Variants in ZSWIM9 observed in about 807,000 individuals in gnomAD.
ZSWIM9 encodes zinc finger SWIM-type containing 9.
A neutral mutation model predicts 25.0 loss-of-function variants in ZSWIM9; 11 were observed. The observed-to-expected ratio is 0.44, with a 90% CI of 0.28 to 0.73. The LOEUF (loss-of-function observed/expected upper bound fraction) is 0.73, where lower values mean the gene tolerates loss of function less well. Ranked by LOEUF, ZSWIM9 falls within the 30% of genes least tolerant of loss-of-function variation. The probability of loss-of-function intolerance (pLI) is 0.16; values close to 1 mark genes in which losing one functional copy is unlikely to be tolerated. For missense variants in ZSWIM9, 1,070 were observed against 1,296.5 expected (o/e 0.83, Z 2.68); for synonymous variants, 562 against 582.1 (o/e 0.97, Z 0.50).
chr19:48,196,968 C>A lies in ZSWIM9; in HGVS notation c.*141C>A. 1 of 860,754 alleles carries A rather than the reference C, an allele frequency of 1.2e-6. No homozygotes were observed. Among genetic ancestry groups the A allele is most frequent in the Non-Finnish European group, 1.6e-6 (1 of 621,806 alleles). 53.3% of individuals were successfully genotyped at this position (860,754 alleles called of 1,614,324 possible). On this transcript the variant is annotated 3_prime_UTR_variant, in exon 4 of 4. Transcript: ENST00000614654. ...GGGTCATCCAGGGACCTCCTCATGG[C>A]AGTTTGCCTCTCTGGGTCCAAGGGC...
rs1037662373 is a variant in ZSWIM9, at chr19:48,183,832, G to GGA, written c.588+1066_588+1067insAG. The stretch of plus-strand genomic sequence containing the variant: ...TTTAGTTTTTGTAGAGATGTTTGGC[G>GGA]GGGGGGGGTCTCCCTATGTTGCCCA... On this transcript the variant is annotated intron_variant, in intron 3 of 3. Coordinates refer to ENST00000614654, the MANE Select transcript of ZSWIM9 (RefSeq NM_199341.4). 6.6e-4 allele frequency among the ~76,000 whole-genome samples: 84 copies of GGA among 127,352 alleles called. 1 individual carries two copies. The highest frequency in any genetic ancestry group is 2.5e-3 in the African/African-American group (82 of 32,368). The allele number at this position is 127,352 out of a possible 152,430, so 83.5% of individuals were successfully genotyped here.
intron 3 of ZSWIM9, among the ~76,000 whole-genome samples, chr19:48,185,802 C>A (rs1396446218): frequency 6.6e-6 from 1 of 152,174 alleles, no homozygotes; most frequent in Non-Finnish European, 1.5e-5. Context: ...GCATGGCCAA[C>A]ATGGCAAAAC....
rs1457656632 is a variant in ZSWIM9, at chr19:48,194,799, C to T, written c.735C>T (p.Ala245=). The change falls in exon 4 of 4, where the codon GCC becomes GCT. Residue 245 remains alanine (A), a synonymous_variant. Transcript: ENST00000614654. The surrounding 1 kb of genome is among the most constrained non-coding windows in gnomAD (Gnocchi z 6.0). ...TGCAGGGCGCGCTGGATCTGCTGGCCGTGCTGTGCGTGGACGGCTCGGGCC... is the reference window on the plus strand; with the variant it reads ...TGCAGGGCGCGCTGGATCTGCTGGCTGTGCTGTGCGTGGACGGCTCGGGCC... ...PGLQGALDLL[A]VLCVDGSGRA... 2 of 1,529,976 alleles carry T rather than the reference C, an allele frequency of 1.3e-6. No homozygotes were observed. The highest frequency in any genetic ancestry group is 1.2e-5 in the South Asian group (1 of 83,500). The allele number at this position is 1,529,976 out of a possible 1,614,324, so 94.8% of individuals were successfully genotyped here. A position where few individuals can be genotyped will look rare whatever the true frequency, so the allele number is the denominator to read the frequency against.
intron 2 of ZSWIM9, chr19:48,181,942 T>C (rs1422502842): frequency 6.5e-6 from 1 of 153,088 alleles, no homozygotes; most frequent in Admixed American, 6.5e-5. Flanking sequence ...ATTTTGATAG[T>C]GGCTGCCTCT....
At position 48,197,164 on chromosome 19, in the gene ZSWIM9, A is replaced by C; in HGVS notation, c.*337A>C. The C allele has an allele frequency of 2.9e-6, 2 of 690,562 alleles. No homozygotes were observed. The highest frequency in any genetic ancestry group is 2.6e-6 in the Non-Finnish European group (1 of 378,716). The allele number at this position is 690,562 out of a possible 1,614,324, so 42.8% of individuals were successfully genotyped here. A position where few individuals can be genotyped will look rare whatever the true frequency, so the allele number is the denominator to read the frequency against. On this transcript the variant is annotated 3_prime_UTR_variant, in exon 4 of 4. Coordinates refer to ENST00000614654, the MANE Select transcript of ZSWIM9 (RefSeq NM_199341.4). ...GGCAGAGCTGGGGGGAGGGGGAGGA[A>C]GCGATCATATGGGGAGTGTCTGGCA... is the stretch of plus-strand genomic sequence containing the variant.
At position 48,195,177 on chromosome 19, in the gene ZSWIM9, C is replaced by A. The variant is rs995241439; in HGVS notation, c.1113C>A (p.Ala371=). 6 of 1,522,646 alleles carry A rather than the reference C, an allele frequency of 3.9e-6. No individual in the cohort carries two copies. The South Asian group carries it at 7.2e-5, about 18-fold the overall frequency. 94.3% of individuals were successfully genotyped at this position (1,522,646 alleles called of 1,614,324 possible). ...ALAELHAHGP[A]AFVDYFERNW... is the part of the protein sequence containing the mutation. ...CCGAGCTCCACGCCCACGGCCCAGCCGCCTTCGTGGACTACTTCGAGCGCA... is the reference window on the plus strand; with the variant it reads ...CCGAGCTCCACGCCCACGGCCCAGCAGCCTTCGTGGACTACTTCGAGCGCA... Residue 371 remains alanine, a synonymous_variant, in exon 4 of 4, where the codon GCC becomes GCA. Transcript: ENST00000614654. The surrounding 1 kb of genome is among the most constrained non-coding windows in gnomAD (Gnocchi z 5.8).
At chr19:48,188,263 C>T (rs2037054641) in intron 3 of ZSWIM9, among the ~76,000 whole-genome samples, 1 of 151,448 alleles carries the variant, frequency 6.6e-6, no homozygotes, top group South Asian at 2.1e-4. Flanking sequence ...CGCTCTGTCT[C>T]CCAGGCTGGA....
Position 48,195,181 on chromosome 19 carries a change from T to C in ZSWIM9, c.1117T>C (p.Phe373Leu). The C allele has an allele frequency of 6.6e-7, 1 of 1,523,458 alleles. No homozygotes were observed. The highest frequency in any genetic ancestry group is 8.8e-7 in the Non-Finnish European group (1 of 1,139,900). The allele number at this position is 1,523,458 out of a possible 1,614,324, so 94.4% of individuals were successfully genotyped here. ...AELHAHGPAAFVDYFERNWEP... is the reference protein window; with the variant it reads ...AELHAHGPAALVDYFERNWEP... The stretch of plus-strand genomic sequence containing the variant: ...GCTCCACGCCCACGGCCCAGCCGCC[T>C]TCGTGGACTACTTCGAGCGCAACTG... The change falls in exon 4 of 4, where the codon TTC becomes CTC. Residue 373 changes from phenylalanine (F) to leucine (L), a missense_variant. Physicochemically the swap from Phe to Leu is conservative, Grantham distance 22 (BLOSUM62 0). Coordinates refer to ENST00000614654, the MANE Select transcript of ZSWIM9 (RefSeq NM_199341.4). This position sits in a 1 kb window ranked among gnomAD's most constrained non-coding sequence, Gnocchi z 5.8.
rs372300493 is a variant in ZSWIM9, at chr19:48,182,949, G to A, written c.588+182G>A. The A allele has an allele frequency of 1.6e-4, 98 of 603,604 alleles. 1 individual carries two copies. The highest frequency in any genetic ancestry group is 1.4e-3 in the South Asian group (70 of 50,418). The allele number at this position is 603,604 out of a possible 1,614,324, so 37.4% of individuals were successfully genotyped here. A position where few individuals can be genotyped will look rare whatever the true frequency, so the allele number is the denominator to read the frequency against. On this transcript the variant is annotated intron_variant, in intron 3 of 3. Transcript: ENST00000614654. The surrounding 1 kb of genome is among the most constrained non-coding windows in gnomAD (Gnocchi z 4.6). ...GGATGCAGCAGCAAACCAGACCCACGTGGTCTCTGTCCGCAGAGAGCTTAC... is the reference window on the plus strand; with the variant it reads ...GGATGCAGCAGCAAACCAGACCCACATGGTCTCTGTCCGCAGAGAGCTTAC...
At position 48,171,832 on chromosome 19, in the gene ZSWIM9, G is replaced by A. The variant is rs765015255; in HGVS notation, c.30G>A (p.Thr10=). The change falls in exon 2 of 4, where the codon ACG becomes ACA. Residue 10 remains threonine, a synonymous_variant. Transcript: ENST00000614654. The part of the protein sequence containing the change: MERPEPPPG[T]AAGQEEQELR... Reference sequence around the variant, plus strand: ...AGCGGCCGGAGCCCCCACCCGGCACGGCTGCGGGGCAGGAGGAGCAGGAGC... The same window carrying A: ...AGCGGCCGGAGCCCCCACCCGGCACAGCTGCGGGGCAGGAGGAGCAGGAGC... 2.6e-5 allele frequency: 40 copies of A among 1,533,842 alleles called. No homozygotes were observed. The highest frequency in any genetic ancestry group is 2.0e-5 in the Non-Finnish European group (23 of 1,146,074).
In ZSWIM9 at chr19:48,182,747, C is replaced by T. The variant is rs779452556; in HGVS notation, c.568C>T (p.Arg190Cys). 6.1e-5 allele frequency: 94 copies of T among 1,528,530 alleles called. No homozygotes were observed. In the Middle Eastern group the frequency reaches 1.7e-3, roughly 27 times the overall value. The allele number at this position is 1,528,530 out of a possible 1,614,324, so 94.7% of individuals were successfully genotyped here. A position where few individuals can be genotyped will look rare whatever the true frequency, so the allele number is the denominator to read the frequency against. Residue 190 changes from arginine (R) to cysteine (C), a missense_variant, in exon 3 of 4, where the codon CGC (arginine) becomes TGC (cysteine). This residue lies in a region of ZSWIM9 where 265 missense variants were observed against 339.0 expected (regional missense o/e 0.78). Coordinates refer to ENST00000614654, the MANE Select transcript of ZSWIM9 (RefSeq NM_199341.4). This position sits in a 1 kb window ranked among gnomAD's most constrained non-coding sequence, Gnocchi z 4.6. Reference sequence around the variant, plus strand: ...CCTGCACGTGCTCGAGGGCCTCTTCCGCACCGACCCCGAGGCCAAGGTGGG... The same window carrying T: ...CCTGCACGTGCTCGAGGGCCTCTTCTGCACCGACCCCGAGGCCAAGGTGGG... ...DALHVLEGLF[R>C]TDPEAKVKLV...
Position 48,172,016 on chromosome 19 carries a change from A to C in ZSWIM9, c.214A>C (p.Lys72Gln). 6.5e-7 allele frequency: 1 copy of C among 1,535,362 alleles called. No individual in the cohort carries two copies. The highest frequency in any genetic ancestry group is 8.7e-7 in the Non-Finnish European group (1 of 1,146,410). ...PPLYTLIDVLKYSYVRLVCKD... is the reference protein window; with the variant it reads ...PPLYTLIDVLQYSYVRLVCKD... ...GCTCTACACGCTCATCGACGTGCTCAAGTACAGCTACGTGCGGCTTGTGTG... is the reference window on the plus strand; with the variant it reads ...GCTCTACACGCTCATCGACGTGCTCCAGTACAGCTACGTGCGGCTTGTGTG... Residue 72 changes from lysine (K) to glutamine (Q), a missense_variant, in exon 2 of 4, where the codon AAG becomes CAG. Around this residue, in one of 4 missense-constraint regions of ZSWIM9, gnomAD observed 265 missense variants for 339.0 expected, o/e 0.78. Transcript: ENST00000614654.
At chr19:48,172,123 C>A in intron 2 of ZSWIM9, 46 bp downstream of exon 2, 1 of 374,664 alleles carries the variant, frequency 2.7e-6, no homozygotes, top group Non-Finnish European at 4.5e-6. Context: ...AGGGGAGCAC[C>A]GGGGGTGGGT....
intron 3 of ZSWIM9, among the ~76,000 whole-genome samples, chr19:48,184,408 A>G (rs2036988326): frequency 6.6e-6 from 1 of 152,130 alleles, no homozygotes; most frequent in African/African-American, 2.4e-5. Context: ...GTGAACTTGA[A>G]GTTTAAAGAG....
intron 3 of ZSWIM9, among the ~76,000 whole-genome samples, chr19:48,183,834 G>T (rs537482106): frequency 9.3e-5 from 14 of 150,912 alleles, no homozygotes; most frequent in Admixed American, 4.6e-4. Flanking sequence ...TGTTTGGCGG[G>T]GGGGGGTCTC....
intron 3 of ZSWIM9, among the ~76,000 whole-genome samples, chr19:48,186,242 CCGCCA>C (rs142315652): frequency 3.4e-5 from 5 of 148,430 alleles, no homozygotes; most frequent in African/African-American, 1.1e-4. Context: ...TCTTTCTGCC[CCGCCA>C]CCCCCCACCC....
intron 3 of ZSWIM9, chr19:48,187,554 ATATTATATATAATATTATAT>A (rs2037040358): frequency 3.5e-5 from 1 of 28,396 alleles, no homozygotes; most frequent in African/African-American, 9.6e-5. Flanking sequence ...TATATTATAT[ATATTATATATAATATTATAT>A]ATATTATATA....
chr19:48,183,831 C>G (rs11083920), intron 3 of ZSWIM9, among the ~76,000 whole-genome samples: 42,537 of 143,020 alleles, frequency 0.3, 6,997 homozygotes, highest in East Asian at 0.54. Flanking sequence ...AGATGTTTGG[C>G]GGGGGGGGGT....
At position 48,183,645 on chromosome 19, in the gene ZSWIM9, CTT is replaced by C. The variant is rs763723066; in HGVS notation, c.588+889_588+890del. On this transcript the variant is annotated intron_variant, in intron 3 of 3. Coordinates refer to ENST00000614654, the MANE Select transcript of ZSWIM9 (RefSeq NM_199341.4). ...GCTATGTAAGTTTTTTTTTTTTAAT[CTT>C]TTTTTTTTTTGAGACAGGATCTCAC... Among the ~76,000 whole-genome samples the C allele has an allele frequency of 5.1e-4, 72 of 140,550 alleles. 1 individual carries two copies. The East Asian group carries it at 0.012, about 24-fold the overall frequency. The allele number at this position is 140,550 out of a possible 152,430, so 92.2% of individuals were successfully genotyped here.
Sources: gnomAD v4.1 joint callset for allele counts (sites outside exome capture counted in the v4.1 genomes callset) on GRCh38, gnomAD v4.1.1 for gene constraint, gnomAD v4.1.1 regional missense constraint, Gnocchi (gnomAD v3.1) non-coding constraint, MANE v1.5 for transcripts, NCBI Gene and HGNC (gene_info 2026-07-23, HGNC 2026-07-21) for gene names.